PCDHGA7: variants seen among roughly 807,000 people sequenced by gnomAD.
PCDHGA7 encodes the protein protocadherin gamma subfamily A, 7.
A neutral mutation model predicts 58.3 loss-of-function variants in PCDHGA7; 44 were observed. The observed-to-expected ratio is 0.75, with a 90% confidence interval of 0.59 to 0.97. The LOEUF is 0.97. Ranked by LOEUF, PCDHGA7 falls within the 50% of genes least tolerant of loss-of-function variation. The probability of loss-of-function intolerance (pLI) is 0.00; values close to 1 mark genes in which losing one functional copy is unlikely to be tolerated. For missense variants in PCDHGA7, 1,266 were observed against 1,188.7 expected (o/e 1.06, Z -0.96); for synonymous variants, 516 against 504.2 (o/e 1.02, Z -0.31).
intron 1 of PCDHGA7, among the ~76,000 whole-genome samples, chr5:141,447,276 A>G (rs2098532917): frequency 6.6e-6 from 1 of 151,994 alleles, no homozygotes; most frequent in South Asian, 2.1e-4. Flanking sequence ...AGTAGCTGGG[A>G]CTACAGGCAC....
Position 141,485,182 on chromosome 5 carries a change from C to A in PCDHGA7, c.2425-9625C>A. 6.2e-7 allele frequency: 1 copy of A among 1,613,070 alleles called. No individual in the cohort carries two copies. The highest frequency in any genetic ancestry group is 8.5e-7 in the Non-Finnish European group (1 of 1,179,154). On this transcript the variant is annotated intron_variant, in intron 1 of 3. Coordinates refer to ENST00000518325, the MANE Select transcript of PCDHGA7 (RefSeq NM_018920.4). This position sits in a 1 kb window ranked among gnomAD's most constrained non-coding sequence, Gnocchi z 5.7. ...ATTAGCGGGCGGCAGCAATGCTCCG[C>A]AAGGTGAGAAGCTGGACAGAAATCT...
At chr5:141,393,494 C>T (rs750216965) in intron 1 of PCDHGA7, 16 of 1,613,946 alleles carry the variant, frequency 9.9e-6, no homozygotes, top group Non-Finnish European at 1.3e-5. Flanking sequence ...GCACAGTGCG[C>T]ATCCACGTGA....
In PCDHGA7 at chr5:141,490,507, G is replaced by C; in HGVS notation, c.2425-4300G>C. 1 of 1,614,016 alleles carries C rather than the reference G, an allele frequency of 6.2e-7. No individual in the cohort carries two copies. Among genetic ancestry groups the C allele is most frequent in the Non-Finnish European group, 8.5e-7 (1 of 1,180,002 alleles). On this transcript the variant is annotated intron_variant, in intron 1 of 3. Transcript: ENST00000518325. The surrounding 1 kb of genome is among the most constrained non-coding windows in gnomAD (Gnocchi z 5.4). ...GGAGGCCACATCCCACTATATCATCGAGCTGCTGGCCAGCGATGCTGGTTC... is the reference window on the plus strand; with the variant it reads ...GGAGGCCACATCCCACTATATCATCCAGCTGCTGGCCAGCGATGCTGGTTC...
At chr5:141,445,020 C>T (rs2098454249) in intron 1 of PCDHGA7, among the ~76,000 whole-genome samples, 1 of 152,130 alleles carries the variant, frequency 6.6e-6, no homozygotes, top group Non-Finnish European at 1.5e-5. Flanking sequence ...TTTAATTTCT[C>T]TCAGCTATGT....
At chr5:141,434,978 C>G (rs1287204052) in intron 1 of PCDHGA7, among the ~76,000 whole-genome samples, 2 of 151,700 alleles carry the variant, frequency 1.3e-5, no homozygotes, top group Non-Finnish European at 2.9e-5. Flanking sequence ...TTTGTTAATA[C>G]TCTATATCAT....
intron 1 of PCDHGA7, chr5:141,399,649 G>T: frequency 1.2e-6 from 2 of 1,613,794 alleles, no homozygotes; most frequent in African/African-American, 1.3e-5. Flanking sequence ...CGCGCAAAGT[G>T]GGGTGGTGTT....
chr5:141,422,661 C>T (rs1289162498), intron 1 of PCDHGA7: 7 of 1,608,938 alleles, frequency 4.4e-6, no homozygotes, highest in Admixed American at 1.7e-5. Flanking sequence ...TGACCGCCCT[C>T]GACCCGGACA....
chr5:141,480,453 A>G (rs1033797238), intron 1 of PCDHGA7, among the ~76,000 whole-genome samples: 1 of 152,182 alleles, frequency 6.6e-6, no homozygotes, highest in African/African-American at 2.4e-5. Context: ...AATTATTTTT[A>G]TTAGTTCCTC....
chr5:141,465,782 T>G (rs2099109563), intron 1 of PCDHGA7, among the ~76,000 whole-genome samples: 1 of 152,076 alleles, frequency 6.6e-6, no homozygotes, highest in African/African-American at 2.4e-5. Flanking sequence ...TGTTACAGTT[T>G]TTTTTTTTTT....
rs201412037 is a variant in PCDHGA7, at chr5:141,421,093, A to G, written c.2424+35770A>G. The G allele has an allele frequency of 3.5e-5, 23 of 665,630 alleles. No homozygotes were observed. In the East Asian group the frequency reaches 6.2e-4, roughly 18 times the overall value. 41.2% of individuals were successfully genotyped at this position (665,630 alleles called of 1,614,324 possible). On this transcript the variant is annotated intron_variant, in intron 1 of 3. Coordinates refer to ENST00000518325, the MANE Select transcript of PCDHGA7 (RefSeq NM_018920.4). ...GAGATGGATACTCACAGATCCTGAC[A>G]CTGGAGACTTAGAAGTATTTTCCTT... is the stretch of plus-strand genomic sequence containing the variant.
chr5:141,388,404 C>T, intron 1 of PCDHGA7: 1 of 1,613,952 alleles, frequency 6.2e-7, no homozygotes, highest in Non-Finnish European at 8.5e-7. Context: ...CCAACTCAGT[C>T]CCAGTGATCA....
rs773389466 is a variant in PCDHGA7, at chr5:141,388,420, C to T, written c.2424+3097C>T. The T allele has an allele frequency of 3.1e-6, 5 of 1,613,778 alleles. No homozygotes were observed. The South Asian group carries it at 4.4e-5, about 14-fold the overall frequency. ...CAACTCAGTCCCAGTGATCATTTCT[C>T]ACTGATAAATAAAGAGAAATCAGAT... On this transcript the variant is annotated intron_variant, in intron 1 of 3. Coordinates refer to ENST00000518325, the MANE Select transcript of PCDHGA7 (RefSeq NM_018920.4).
In PCDHGA7 at chr5:141,413,208, A is replaced by G. The variant is rs532127106; in HGVS notation, c.2424+27885A>G. The G allele has an allele frequency of 3.5e-5, 57 of 1,612,984 alleles. No individual in the cohort carries two copies. The African/African-American group carries it at 5.2e-4, about 15-fold the overall frequency. On this transcript the variant is annotated intron_variant, in intron 1 of 3. Coordinates refer to ENST00000518325, the MANE Select transcript of PCDHGA7 (RefSeq NM_018920.4). ...CTCAAAGGAATCGCTCAAAGGAATC[A>G]AAGGATTGCAGCGGGCTGGTCCTGC... is the stretch of plus-strand genomic sequence containing the variant.
chr5:141,393,110 C>T, intron 1 of PCDHGA7: 10 of 1,613,496 alleles, frequency 6.2e-6, no homozygotes, highest in Non-Finnish European at 8.5e-6. Flanking sequence ...GCGCTCAGAG[C>T]CCGCGGTGTC....
At chr5:141,407,286 T>A (rs1409712341) in intron 1 of PCDHGA7, among the ~76,000 whole-genome samples, 1 of 152,234 alleles carries the variant, frequency 6.6e-6, no homozygotes, top group Non-Finnish European at 1.5e-5. Flanking sequence ...TTGTTACAAT[T>A]TCTGTTCTGA....
At chr5:141,499,331 TCA>T (rs2099791249) in intron 2 of PCDHGA7, among the ~76,000 whole-genome samples, 1 of 152,220 alleles carries the variant, frequency 6.6e-6, no homozygotes, top group African/African-American at 2.4e-5. Context: ...CTGCTCTCTC[TCA>T]GTTTGGGCAG....
At position 141,511,271 on chromosome 5, in the gene PCDHGA7, C is replaced by T. The variant is rs371445452; in HGVS notation, c.*98C>T. ...GCCTCAGAGTTTCAGGGCTAACCCC[C>T]AGAATACTGGTAGGGGCCAAGGCCA... On this transcript the variant is annotated 3_prime_UTR_variant, in exon 4 of 4. Transcript: ENST00000518325. 9.1e-6 allele frequency: 14 copies of T among 1,544,094 alleles called. No individual in the cohort carries two copies. In the African/African-American group the frequency reaches 1.6e-4, roughly 18 times the overall value.
In PCDHGA7 at chr5:141,430,592, C is replaced by G; in HGVS notation, c.2424+45269C>G. The G allele has an allele frequency of 9.2e-6, 5 of 544,570 alleles. No individual in the cohort carries two copies. In the South Asian group the frequency reaches 3.1e-4, roughly 34 times the overall value. The allele number at this position is 544,570 out of a possible 1,614,324, so 33.7% of individuals were successfully genotyped here. ...AAGCGGAGATCCTGCTCGCCTTGCACGCGCCTGAAGCACAAAGCAGATAGC... is the reference window on the plus strand; with the variant it reads ...AAGCGGAGATCCTGCTCGCCTTGCAGGCGCCTGAAGCACAAAGCAGATAGC... On this transcript the variant is annotated intron_variant, in intron 1 of 3. Coordinates refer to ENST00000518325, the MANE Select transcript of PCDHGA7 (RefSeq NM_018920.4).
At chr5:141,409,808 G>C in intron 1 of PCDHGA7, 2 of 1,611,624 alleles carry the variant, frequency 1.2e-6, no homozygotes, top group East Asian at 2.2e-5. Context: ...GCAGGCCCGC[G>C]ACCACGGCTC....
Sources: allele counts gnomAD v4.1 joint callset (sites outside exome capture counted in the v4.1 genomes callset), GRCh38; gene constraint gnomAD v4.1.1; non-coding constraint Gnocchi (gnomAD v3.1); transcripts MANE v1.5; gene names NCBI Gene and HGNC (gene_info 2026-07-23, HGNC 2026-07-21).